Variants in CFAP36 observed in about 807,000 individuals in gnomAD.
CFAP36 encodes cilia- and flagella-associated protein 36.
A neutral mutation model predicts 50.5 loss-of-function variants in CFAP36; 37 were observed. The observed-to-expected ratio is 0.73, with a 90% CI of 0.56 to 0.96. The LOEUF (loss-of-function observed/expected upper bound fraction) is 0.96, where lower values mean the gene tolerates loss of function less well. Among genes scored for constraint, CFAP36 ranks in the 50% least tolerant of loss-of-function variants. The pLI is 0.00. For missense variants in CFAP36, 407 were observed against 396.2 expected, an observed-to-expected ratio of 1.03 and a Z score of -0.23; for synonymous variants, 138 against 128.2, an observed-to-expected ratio of 1.08 and a Z score of -0.52.
At chr2:55,520,689 C>T (rs1684039084) in intron 1 of CFAP36, among the ~76,000 whole-genome samples, 1 of 152,172 alleles carries the variant, frequency 6.6e-6, no homozygotes, top group Admixed American at 6.5e-5. Context: ...GAAACCACGT[C>T]ATATAAATGA....
intron 4 of CFAP36, among the ~76,000 whole-genome samples, chr2:55,529,421 C>CAA (rs562874118): frequency 4.1e-5 from 5 of 121,246 alleles, no homozygotes; most frequent in South Asian, 5.2e-4. Context: ...GACCCTGTCT[C>CAA]AAAAAAAAAA....
chr2:55,523,438 GA>G (rs1033752855), intron 2 of CFAP36, among the ~76,000 whole-genome samples: 13 of 149,186 alleles, frequency 8.7e-5, no homozygotes, highest in African/African-American at 3.2e-4. Context: ...AAGAAAAGAA[GA>G]AAAAAAAATG....
At chr2:55,529,343 AC>A (rs1684295099) in intron 4 of CFAP36, among the ~76,000 whole-genome samples, 2 of 151,690 alleles carry the variant, frequency 1.3e-5, no homozygotes, top group South Asian at 4.2e-4. Flanking sequence ...AATGGCGTGA[AC>A]CCGGGAGGTG....
chr2:55,542,963 C>T lies in CFAP36; in HGVS notation c.641-975C>T, dbSNP rs77826318. ...GCTTTTCTTCCTTCAACCTCTCTGG[C>T]ACTGTAGTCAGTCTGGTCACTGCTA... On this transcript the variant is annotated intron_variant, in intron 7 of 9. Coordinates refer to ENST00000349456, the MANE Select transcript of CFAP36 (RefSeq NM_080667.7). Among the ~76,000 whole-genome samples, 296 of 152,280 alleles carry T rather than the reference C, an allele frequency of 1.9e-3. 7 individuals carry two copies. In the East Asian group the frequency reaches 0.049, roughly 25 times the overall value.
intron 1 of CFAP36, 64 bp downstream of exon 1, chr2:55,519,980 G>C (rs1383066977): frequency 1.3e-6 from 2 of 1,481,926 alleles, no homozygotes; most frequent in Admixed American, 3.5e-5. Context: ...CGGGCAGGGG[G>C]TTGGTAACCA....
chr2:55,522,131 A>T lies in CFAP36; in HGVS notation c.145A>T (p.Thr49Ser), dbSNP rs753440602. The change falls in exon 2 of 10, where the codon ACC becomes TCC. Residue 49 changes from threonine to serine, a missense_variant. Thr to Ser is a moderately conservative substitution (Grantham distance 58). Coordinates refer to ENST00000349456, the MANE Select transcript of CFAP36 (RefSeq NM_080667.7). ...TGATGATGAAGAAGAAAGCAAATTG[A>T]CCTATACAGAGATTCATCAGGAATA... The part of the protein sequence containing the change: ...VFDDEEESKL[T>S]YTEIHQEYKE... 1 of 1,540,998 alleles carries T rather than the reference A, an allele frequency of 6.5e-7. No homozygotes were observed. The highest frequency in any genetic ancestry group is 1.9e-5 in the Admixed American group (1 of 53,598).
At chr2:55,534,591 T>C (rs917057887) in intron 5 of CFAP36, among the ~76,000 whole-genome samples, 1 of 152,202 alleles carries the variant, frequency 6.6e-6, no homozygotes, top group African/African-American at 2.4e-5. Flanking sequence ...CTGACCTTTA[T>C]GGGAATTTTG....
intron 1 of CFAP36, among the ~76,000 whole-genome samples, chr2:55,521,895 G>A (rs1393845308): frequency 6.6e-6 from 1 of 152,048 alleles, no homozygotes; most frequent in Non-Finnish European, 1.5e-5. Flanking sequence ...CTCCGAAAGT[G>A]CTGGGATTAC....
At chr2:55,541,515 T>C (rs1684638827) in intron 7 of CFAP36, among the ~76,000 whole-genome samples, 1 of 152,248 alleles carries the variant, frequency 6.6e-6, no homozygotes, top group African/African-American at 2.4e-5. Flanking sequence ...TTCCATTTAT[T>C]CATTACTGGT....
intron 7 of CFAP36, among the ~76,000 whole-genome samples, chr2:55,543,623 T>C (rs1684697305): frequency 1.3e-5 from 2 of 152,152 alleles, no homozygotes; most frequent in Admixed American, 6.6e-5. Flanking sequence ...GGCAATCTTA[T>C]ATTATAGTGT....
Position 55,537,470 on chromosome 2 carries a change from T to C in CFAP36, c.538-13T>C, listed in dbSNP as rs919971472. The stretch of plus-strand genomic sequence containing the variant: ...GTGTGTTTTTTAAAAAATTGTATTA[T>C]GGAATCCTGAAGTTATCAGAGGCTA... On this transcript the variant is annotated splice_polypyrimidine_tract_variant and intron_variant, in intron 6 of 9. Coordinates refer to ENST00000349456, the MANE Select transcript of CFAP36 (RefSeq NM_080667.7). 2 of 1,569,052 alleles carry C rather than the reference T, an allele frequency of 1.3e-6. No individual in the cohort carries two copies. Among genetic ancestry groups the C allele is most frequent in the African/African-American group, 1.4e-5 (1 of 73,256 alleles).
rs756282373 is a variant in CFAP36 at position 55,544,322 on chromosome 2, C to G, written c.880C>G (p.Gln294Glu). 4.3e-6 allele frequency: 7 copies of G among 1,613,678 alleles called. No individual in the cohort carries two copies. The highest frequency in any genetic ancestry group is 5.9e-6 in the Non-Finnish European group (7 of 1,179,876). Residue 294 changes from glutamine to glutamate, a missense_variant, in exon 9 of 10, where the codon CAG becomes GAG. Transcript: ENST00000349456. ...CATGAGAAAGGATATGAGGACTAAA[C>G]AGATACAAAATATGGAGCAGAAAGG... is the stretch of plus-strand genomic sequence containing the variant. ...MSMRKDMRTK[Q>E]IQNMEQKGKP...
intron 7 of CFAP36, among the ~76,000 whole-genome samples, chr2:55,540,994 T>C (rs12619756): frequency 0.93 from 141,802 of 151,772 alleles, 66,810 homozygotes; most frequent in African/African-American, 0.98. Context: ...GCCTAGGTGA[T>C]AGAGTGAGAC....
At chr2:55,523,578 A>G in intron 2 of CFAP36, 143 bp from the exon 3 acceptor site, 1 of 485,532 alleles carries the variant, frequency 2.1e-6, no homozygotes, top group Admixed American at 3.7e-5. Context: ...TGTTTTGGTG[A>G]AAGACAATGT....
chr2:55,545,063 T>G lies in CFAP36; in HGVS notation c.*55T>G. 2 of 1,090,334 alleles carry G rather than the reference T, an allele frequency of 1.8e-6. No homozygotes were observed. Among genetic ancestry groups the G allele is most frequent in the Non-Finnish European group, 2.7e-6 (2 of 751,844 alleles). The allele number at this position is 1,090,334 out of a possible 1,614,324, so 67.5% of individuals were successfully genotyped here. ...TTCAAATTGTCTTAAAAATAAATTATTTAGTCCTTACACTGAGCCTTTTAG... is the reference window on the plus strand; with the variant it reads ...TTCAAATTGTCTTAAAAATAAATTAGTTAGTCCTTACACTGAGCCTTTTAG... On this transcript the variant is annotated 3_prime_UTR_variant, in exon 10 of 10. Coordinates refer to ENST00000349456, the MANE Select transcript of CFAP36 (RefSeq NM_080667.7).
intron 6 of CFAP36, among the ~76,000 whole-genome samples, chr2:55,536,093 T>C (rs1315659967): frequency 6.6e-6 from 1 of 152,108 alleles, no homozygotes; most frequent in Non-Finnish European, 1.5e-5. Context: ...TTATACTTTT[T>C]TCTCCTTCTT....
At chr2:55,536,903 C>G (rs1197610999) in intron 6 of CFAP36, among the ~76,000 whole-genome samples, 1 of 128,260 alleles carries the variant, frequency 7.8e-6, no homozygotes, top group East Asian at 2.1e-4. Flanking sequence ...TGCCACCACT[C>G]TTGGCTAATT....
In CFAP36 at chr2:55,522,173, A is replaced by AT. The variant is rs763080220; in HGVS notation, c.180+15dup. 1.0e-3 allele frequency: 1,511 copies of AT among 1,448,034 alleles called. 4 individuals carry two copies. The highest frequency in any genetic ancestry group is 1.5e-3 in the South Asian group (116 of 77,890). 89.7% of individuals were successfully genotyped at this position (1,448,034 alleles called of 1,614,324 possible). ...TCAGGAATACAAAGAACTAGTGAGT[A>AT]TTTTTTTTCACTGATTTTTAAAAGT... On this transcript the variant is annotated splice_region_variant and intron_variant, in intron 2 of 9. Coordinates refer to ENST00000349456, the MANE Select transcript of CFAP36 (RefSeq NM_080667.7).
intron 4 of CFAP36, chr2:55,530,961 A>G (rs902722138): frequency 2.6e-5 from 4 of 152,350 alleles, no homozygotes; most frequent in Middle Eastern, 6.8e-3. Context: ...AGAATTTTGC[A>G]TGGCCCTTAC....
Sources: allele counts gnomAD v4.1 joint callset (sites outside exome capture counted in the v4.1 genomes callset), GRCh38; gene constraint gnomAD v4.1.1; transcripts MANE v1.5; gene names NCBI Gene and HGNC (gene_info 2026-07-23, HGNC 2026-07-21).